QKI: variants seen among roughly 807,000 people sequenced by gnomAD.
The protein encoded by QKI is KH domain-containing RNA-binding protein QKI.
A neutral mutation model predicts 39.0 loss-of-function variants in QKI; 10 were observed. That is an observed-to-expected ratio of 0.26 (90% CI 0.16 to 0.43). The LOEUF is 0.43. QKI is among the 20% of genes least tolerant of loss of function. The pLI is 1.00. For missense variants in QKI, 218 were observed against 428.0 expected (o/e 0.51, Z 4.33); for synonymous variants, 204 against 155.4 (o/e 1.31, Z -2.33).
At chr6:163,515,628 C>T (rs1234026936) in intron 3 of QKI, among the ~76,000 whole-genome samples, 1 of 151,956 alleles carries the variant, frequency 6.6e-6, no homozygotes, top group African/African-American at 2.4e-5. Context: ...TGAAATTATT[C>T]TGTATATTTG....
At chr6:163,537,604 C>A (rs1436004121) in intron 4 of QKI, among the ~76,000 whole-genome samples, 1 of 152,152 alleles carries the variant, frequency 6.6e-6, no homozygotes, top group Non-Finnish European at 1.5e-5. Context: ...CAGAAATTGC[C>A]AGTCTTTTGG....
chr6:163,424,198 A>T (rs903224224), intron 1 of QKI, among the ~76,000 whole-genome samples: 1 of 152,280 alleles, frequency 6.6e-6, no homozygotes, highest in Non-Finnish European at 1.5e-5. Context: ...CATTTTTTTA[A>T]GAAAAAAAAA....
chr6:163,472,870 T>C (rs1463292065), intron 2 of QKI, among the ~76,000 whole-genome samples: 2 of 152,164 alleles, frequency 1.3e-5, no homozygotes, highest in Non-Finnish European at 2.9e-5. Flanking sequence ...TGTAAAGCTT[T>C]AGATGTATAT....
intron 7 of QKI, 77 bp from the exon 8 acceptor site, chr6:163,570,617 A>G: frequency 6.3e-7 from 1 of 1,587,236 alleles, no homozygotes; most frequent in Non-Finnish European, 8.5e-7. Flanking sequence ...TTAAGCCGTC[A>G]CTAGCTGAAA....
At chr6:163,462,541 T>C (rs900874245) in intron 2 of QKI, among the ~76,000 whole-genome samples, 5 of 152,252 alleles carry the variant, frequency 3.3e-5, no homozygotes, top group African/African-American at 1.2e-4. Context: ...TTGATTAGTT[T>C]CTTTGTACTT....
intron 6 of QKI, 73 bp downstream of exon 6, chr6:163,563,792 A>T (rs770788804): frequency 3.6e-5 from 55 of 1,536,346 alleles, no homozygotes; most frequent in Non-Finnish European, 4.7e-5. Context: ...TTTTGAAATG[A>T]TTTTATCAGT....
chr6:163,500,083 A>G (rs1044783069), intron 3 of QKI, among the ~76,000 whole-genome samples: 3 of 152,134 alleles, frequency 2.0e-5, no homozygotes, highest in Admixed American at 2.0e-4. Flanking sequence ...TCAGTTGTGA[A>G]TGTGATGGGA....
At chr6:163,438,197 A>AT (rs1326326763) in intron 1 of QKI, among the ~76,000 whole-genome samples, 1 of 152,172 alleles carries the variant, frequency 6.6e-6, no homozygotes, top group Non-Finnish European at 1.5e-5. Flanking sequence ...GGAAAAGACC[A>AT]TTTTCAGATT....
intron 3 of QKI, among the ~76,000 whole-genome samples, chr6:163,531,255 C>A (rs1396277082): frequency 2.0e-5 from 3 of 152,190 alleles, no homozygotes; most frequent in Non-Finnish European, 2.9e-5. Context: ...GGTTCCCTTG[C>A]TCTGCATTTG....
At chr6:163,489,512 C>T (rs1777923854) in intron 3 of QKI, among the ~76,000 whole-genome samples, 3 of 150,382 alleles carry the variant, frequency 2.0e-5, no homozygotes, top group Admixed American at 6.6e-5. Flanking sequence ...AGTTTCCCAA[C>T]TATTGTTTGT....
At chr6:163,507,586 C>A (rs1007133333) in intron 3 of QKI, among the ~76,000 whole-genome samples, 3 of 152,104 alleles carry the variant, frequency 2.0e-5, no homozygotes, top group African/African-American at 7.2e-5. Flanking sequence ...AACGGGAATC[C>A]CCAAATTGTA....
intron 4 of QKI, among the ~76,000 whole-genome samples, chr6:163,537,113 T>C (rs1342234134): frequency 6.6e-6 from 1 of 152,152 alleles, no homozygotes; most frequent in Non-Finnish European, 1.5e-5. Flanking sequence ...GAGGCTAATG[T>C]GGAAGGATCG....
intron 3 of QKI, among the ~76,000 whole-genome samples, chr6:163,510,163 C>G (rs1308941011): frequency 6.6e-6 from 1 of 150,780 alleles, no homozygotes; most frequent in African/African-American, 2.4e-5. Flanking sequence ...TTGCAGTGAG[C>G]CAAGATCGTG....
intron 3 of QKI, among the ~76,000 whole-genome samples, chr6:163,481,927 C>G (rs751000879): frequency 6.6e-6 from 1 of 152,168 alleles, no homozygotes; most frequent in African/African-American, 2.4e-5. Context: ...TGGCTCACAC[C>G]TGTAATCTCA....
intron 3 of QKI, among the ~76,000 whole-genome samples, chr6:163,514,630 C>T (rs928729635): frequency 1.3e-5 from 2 of 151,968 alleles, no homozygotes; most frequent in African/African-American, 2.4e-5. Flanking sequence ...CTATTTTACT[C>T]GGATATGTAT....
chr6:163,472,574 A>C (rs988273522), intron 2 of QKI, among the ~76,000 whole-genome samples: 1 of 152,240 alleles, frequency 6.6e-6, no homozygotes, highest in African/African-American at 2.4e-5. Context: ...TAATCACACC[A>C]GACTTTGCAT....
Position 163,563,540 on chromosome 6 carries a change from T to C in QKI, c.755T>C (p.Met252Thr). 6.2e-7 allele frequency: 1 copy of C among 1,614,198 alleles called. No individual in the cohort carries two copies. Among genetic ancestry groups the C allele is most frequent in the South Asian group, 1.1e-5 (1 of 91,084 alleles). ...CCTACGCCAGCTGGCCCTACCATAA[T>C]GCCTTTGATCAGACAAATACAGACC... is the stretch of plus-strand genomic sequence containing the variant. ...RTPTPAGPTI[M>T]PLIRQIQTAV... Residue 252 changes from methionine (M) to threonine (T), a missense_variant, in exon 6 of 8, where the codon ATG becomes ACG. By Grantham distance (81) the Met-to-Thr change is moderately conservative. Transcript: ENST00000361752.
chr6:163,450,452 C>A (rs1790473559), intron 1 of QKI, among the ~76,000 whole-genome samples: 1 of 152,052 alleles, frequency 6.6e-6, no homozygotes, highest in South Asian at 2.1e-4. Flanking sequence ...ATGGAAAAGC[C>A]AAAGACAAAC....
intron 2 of QKI, among the ~76,000 whole-genome samples, chr6:163,464,665 T>C (rs1334497669): frequency 6.6e-6 from 1 of 152,024 alleles, no homozygotes; most frequent in Non-Finnish European, 1.5e-5. Context: ...AACAGACCTA[T>C]AATGAGTGAG....
Sources: gnomAD v4.1 joint callset for allele counts (sites outside exome capture counted in the v4.1 genomes callset) on GRCh38, gnomAD v4.1.1 for gene constraint, MANE v1.5 for transcripts, NCBI Gene and HGNC (gene_info 2026-07-23, HGNC 2026-07-21) for gene names.